Variants in SPEG observed in about 807,000 individuals in gnomAD.
SPEG encodes striated muscle preferentially expressed protein kinase.
A neutral mutation model predicts 300.4 loss-of-function variants in SPEG; 114 were observed. The ratio of observed to expected loss-of-function variants is 0.38; its 90% CI spans 0.33 to 0.44. The LOEUF (loss-of-function observed/expected upper bound fraction) is 0.44, where lower values mean the gene tolerates loss of function less well. Ranked by LOEUF, SPEG falls within the 20% of genes least tolerant of loss-of-function variation. SPEG has a pLI of 1.00. For missense variants in SPEG, 4,201 were observed against 4,586.2 expected, an observed-to-expected ratio of 0.92 and a Z score of 2.43; for synonymous variants, 1,964 against 2,018.9, an observed-to-expected ratio of 0.97 and a Z score of 0.73.
chr2:219,479,066 G>A lies in SPEG; in HGVS notation c.5028-78G>A. On this transcript the variant is annotated intron_variant, in intron 22 of 40. Coordinates refer to ENST00000312358, the MANE Select transcript of SPEG (RefSeq NM_005876.5). This position sits in a 1 kb window ranked among gnomAD's most constrained non-coding sequence, Gnocchi z 5.5. ...GTAAGGGGAAGGAGAACCCCGTGCT[G>A]AGCTGGGACCTGCCCTGAGCGCTGG... The A allele has an allele frequency of 7.5e-7, 1 of 1,329,078 alleles. No individual in the cohort carries two copies. Among genetic ancestry groups the A allele is most frequent in the Non-Finnish European group, 1.1e-6 (1 of 929,432 alleles). 82.3% of individuals were successfully genotyped at this position (1,329,078 alleles called of 1,614,324 possible).
chr2:219,480,572 G>A lies in SPEG; in HGVS notation c.5343-99G>A. The stretch of plus-strand genomic sequence containing the variant: ...CCCATTGTCCATGGCAGTGTTCCCA[G>A]GGAGGTAACAGCTCACTCAGGTCAG... On this transcript the variant is annotated intron_variant, in intron 25 of 40. Coordinates refer to ENST00000312358, the MANE Select transcript of SPEG (RefSeq NM_005876.5). This position sits in a 1 kb window ranked among gnomAD's most constrained non-coding sequence, Gnocchi z 5.3. 1 of 1,242,292 alleles carries A rather than the reference G, an allele frequency of 8.0e-7. No individual in the cohort carries two copies. The highest frequency in any genetic ancestry group is 1.2e-6 in the Non-Finnish European group (1 of 843,550). The allele number at this position is 1,242,292 out of a possible 1,614,324, so 77.0% of individuals were successfully genotyped here.
Position 219,468,638 on chromosome 2 carries a change from G to A in SPEG, c.3203G>A (p.Arg1068Gln). Residue 1068 changes from arginine to glutamine, a missense_variant, in exon 11 of 41, where the codon CGG becomes CAG. By Grantham distance (43) the Arg-to-Gln change is conservative. Coordinates refer to ENST00000312358, the MANE Select transcript of SPEG (RefSeq NM_005876.5). ...VRPSLAPLFTRLLEDVEVLEG... is the reference protein window; with the variant it reads ...VRPSLAPLFTQLLEDVEVLEG... Reference sequence around the variant, plus strand: ...CCCTCGTTGGCACCCCTGTTCACACGGCTGCTGGAAGATGTGGAGGTGTTG... The same window carrying A: ...CCCTCGTTGGCACCCCTGTTCACACAGCTGCTGGAAGATGTGGAGGTGTTG... 1.2e-6 allele frequency: 2 copies of A among 1,614,006 alleles called. No individual in the cohort carries two copies. The highest frequency in any genetic ancestry group is 1.7e-6 in the Non-Finnish European group (2 of 1,180,008).
chr2:219,448,376 C>T lies in SPEG; in HGVS notation c.1218C>T (p.Phe406=), dbSNP rs756153637. ...CCCGCATCCTGGACAAGCTGCAGTT[C>T]TTCGAGGAGCGACGGCGCAGCCTGG... ...AGSRILDKLQ[F]FEERRRSLER... The change falls in exon 4 of 41, where the codon TTC becomes TTT. Residue 406 remains phenylalanine (F), a synonymous_variant. Transcript: ENST00000312358. 1.3e-6 allele frequency: 2 copies of T among 1,564,010 alleles called. No individual in the cohort carries two copies. The highest frequency in any genetic ancestry group is 1.7e-6 in the Non-Finnish European group (2 of 1,157,486).
chr2:219,483,451 C>A lies in SPEG; in HGVS notation c.5988C>A (p.Gly1996=). The A allele has an allele frequency of 2.0e-6, 3 of 1,519,032 alleles. No individual in the cohort carries two copies. The highest frequency in any genetic ancestry group is 1.4e-5 in the African/African-American group (1 of 72,216). The allele number at this position is 1,519,032 out of a possible 1,614,324, so 94.1% of individuals were successfully genotyped here. A position where few individuals can be genotyped will look rare whatever the true frequency, so the allele number is the denominator to read the frequency against. The change falls in exon 30 of 41, where the codon GGC becomes GGA. Residue 1996 remains glycine, a synonymous_variant. Transcript: ENST00000312358. ...GCCCAGAGGCCCTCCCCTCCCCAGG[C>A]CAGGAGCCCGCAGCTGGGGCTAGCC... is the stretch of plus-strand genomic sequence containing the variant. ...APSPEALPSP[G]QEPAAGASPR... is the part of the protein sequence containing the mutation.
At chr2:219,485,210 A>AG (rs1428215243) in intron 30 of SPEG, 136 bp from the exon 31 acceptor site, 46 of 1,470,516 alleles carry the variant, frequency 3.1e-5, no homozygotes, top group Non-Finnish European at 4.1e-5. Context: ...GCAGGGCTGG[A>AG]GGGGAGGAAA....
chr2:219,469,524 G>A (rs1691684939), intron 13 of SPEG, 145 bp downstream of exon 13: 1 of 674,124 alleles, frequency 1.5e-6, no homozygotes. Context: ...AACCCGGAGG[G>A]ACTGTGAGGT....
At chr2:219,485,253 G>C in intron 30 of SPEG, 93 bp from the exon 31 acceptor site, 1 of 1,522,164 alleles carries the variant, frequency 6.6e-7, no homozygotes, top group Non-Finnish European at 8.9e-7. Flanking sequence ...GTGGGCTAGG[G>C]GTTCCTTCTG....
In SPEG at chr2:219,492,278, C is replaced by A. The variant is rs767731123; in HGVS notation, c.9611+18C>A. The A allele has an allele frequency of 2.5e-6, 4 of 1,605,444 alleles. No individual in the cohort carries two copies. Among genetic ancestry groups the A allele is most frequent in the Non-Finnish European group, 3.4e-6 (4 of 1,173,930 alleles). On this transcript the variant is annotated intron_variant, in intron 40 of 40. Transcript: ENST00000312358. ...CATCCCTGGTGAGTGAGCCCCACAC[C>A]TGCTATCCCCCAGTGTTACCTGCCC...
intron 18 of SPEG, 127 bp from the exon 19 acceptor site, chr2:219,476,742 AG>A: frequency 1.9e-6 from 1 of 512,984 alleles, no homozygotes; most frequent in East Asian, 3.4e-5. Flanking sequence ...GGTGGCTTGC[AG>A]GGAGGCGGGG....
In SPEG at chr2:219,485,327, C is replaced by G; in HGVS notation, c.7610-19C>G. On this transcript the variant is annotated intron_variant, in intron 30 of 40. Transcript: ENST00000312358. ...CTGGTACTGACTGAACAAATACTCA[C>G]GGGCCTGAGTCTTCACAGCCCCAGG... is the stretch of plus-strand genomic sequence containing the variant. The G allele has an allele frequency of 6.3e-7, 1 of 1,597,858 alleles. No individual in the cohort carries two copies.
Position 219,434,928 on chromosome 2 carries a change from C to T in SPEG, c.-50C>T, listed in dbSNP as rs1954672961. ...TCCTAGGGCACCGTCCCGCGGGTGC[C>T]CCCGTGGCCGCCCAGTTCCGGCGTC... On this transcript the variant is annotated 5_prime_UTR_variant, in exon 1 of 41. Coordinates refer to ENST00000312358, the MANE Select transcript of SPEG (RefSeq NM_005876.5). 3.5e-6 allele frequency: 5 copies of T among 1,417,906 alleles called. No homozygotes were observed. In the South Asian group the frequency reaches 4.2e-5, roughly 12 times the overall value. The allele number at this position is 1,417,906 out of a possible 1,614,324, so 87.8% of individuals were successfully genotyped here. A position where few individuals can be genotyped will look rare whatever the true frequency, so the allele number is the denominator to read the frequency against.
Position 219,465,727 on chromosome 2 carries a change from G to C in SPEG, c.2881+1119G>C. 3 of 445,226 alleles carry C rather than the reference G, an allele frequency of 6.7e-6. No homozygotes were observed. The South Asian group carries it at 7.5e-5, about 11-fold the overall frequency. 27.6% of individuals were successfully genotyped at this position (445,226 alleles called of 1,614,324 possible). ...AGAGCTGTCCTTGGGGGAGCCAAGA[G>C]TGGCAGTGCTGCCCTGACGGTGTGA... On this transcript the variant is annotated intron_variant, in intron 9 of 40. Coordinates refer to ENST00000312358, the MANE Select transcript of SPEG (RefSeq NM_005876.5).
intron 9 of SPEG, chr2:219,466,524 A>G: frequency 1.8e-6 from 2 of 1,083,072 alleles, no homozygotes; most frequent in Non-Finnish European, 2.2e-6. Context: ...GGGCCCAAGG[A>G]GCAGGGGCTG....
rs148472813 is a variant in SPEG at position 219,439,758 on chromosome 2, G to A, written c.388+4393G>A. Among the ~76,000 whole-genome samples the A allele has an allele frequency of 1.3e-3, 197 of 152,264 alleles. 2 individuals carry two copies. In the South Asian group the frequency reaches 0.013, roughly 10 times the overall value. ...ACAGAATCCTGCCGGCCCCTCCTGG[G>A]CCCAGCTGTCCCGTCACTCACGCCC... is the stretch of plus-strand genomic sequence containing the variant. On this transcript the variant is annotated intron_variant, in intron 1 of 40. Coordinates refer to ENST00000312358, the MANE Select transcript of SPEG (RefSeq NM_005876.5). The surrounding 1 kb of genome is among the most constrained non-coding windows in gnomAD (Gnocchi z 4.5).
rs192857645 is a variant in SPEG, at chr2:219,445,342, C to T, written c.815+181C>T. Among the ~76,000 whole-genome samples, 12 of 152,248 alleles carry T rather than the reference C, an allele frequency of 7.9e-5. No homozygotes were observed. The highest frequency in any genetic ancestry group is 2.1e-4 in the South Asian group (1 of 4,822). On this transcript the variant is annotated intron_variant, in intron 3 of 40. Coordinates refer to ENST00000312358, the MANE Select transcript of SPEG (RefSeq NM_005876.5). This position sits in a 1 kb window ranked among gnomAD's most constrained non-coding sequence, Gnocchi z 6.1. Reference sequence around the variant, plus strand: ...CTCCCTCCTCCTCCTGAGCCATCACCGCCCACATCCCCCTGCTCCCACCTG... The same window carrying T: ...CTCCCTCCTCCTCCTGAGCCATCACTGCCCACATCCCCCTGCTCCCACCTG...
In SPEG at chr2:219,480,709, T is replaced by TC; in HGVS notation, c.5369+13dup. The TC allele has an allele frequency of 6.2e-7, 1 of 1,613,530 alleles. No individual in the cohort carries two copies. Among genetic ancestry groups the TC allele is most frequent in the Non-Finnish European group, 8.5e-7 (1 of 1,179,540 alleles). On this transcript the variant is annotated intron_variant, in intron 26 of 40. Transcript: ENST00000312358. The surrounding 1 kb of genome is among the most constrained non-coding windows in gnomAD (Gnocchi z 5.3). ...GTTGCCTTCCTCTGGTAAGGACCCC[T>TC]CTGCAATGTCCCAGCAGTCTCCTGG...
Position 219,477,972 on chromosome 2 carries a change from A to C in SPEG, c.4894A>C (p.Ile1632Leu). ...CGGCCTGGAGTTTGCGGCCAAGTTC[A>C]TCCCCAGCCAGGCCAAGCCAAAGGC... is the stretch of plus-strand genomic sequence containing the variant. ...SSGLEFAAKF[I>L]PSQAKPKASA... The change falls in exon 22 of 41, where the codon ATC (isoleucine) becomes CTC (leucine). Residue 1632 changes from isoleucine (I) to leucine (L), a missense_variant. Physicochemically the swap from Ile to Leu is conservative, Grantham distance 5. Around this residue, in one of 4 missense-constraint regions of SPEG, gnomAD observed 1,047 missense variants for 1,356.8 expected, o/e 0.77. Coordinates refer to ENST00000312358, the MANE Select transcript of SPEG (RefSeq NM_005876.5). The surrounding 1 kb of genome is among the most constrained non-coding windows in gnomAD (Gnocchi z 6.4). 6.2e-7 allele frequency: 1 copy of C among 1,614,146 alleles called. No individual in the cohort carries two copies. The highest frequency in any genetic ancestry group is 8.5e-7 in the Non-Finnish European group (1 of 1,180,040).
chr2:219,473,466 T>A lies in SPEG; in HGVS notation c.4148-38T>A, dbSNP rs781500999. 2 of 1,605,838 alleles carry A rather than the reference T, an allele frequency of 1.2e-6. No homozygotes were observed. Among genetic ancestry groups the A allele is most frequent in the Admixed American group, 3.3e-5 (2 of 59,850 alleles). Reference sequence around the variant, plus strand: ...AGTGGTGGGTGCTGAGGACCTGATGTCAAGCCCAGCACAGAGCCTGCGCTC... The same window carrying A: ...AGTGGTGGGTGCTGAGGACCTGATGACAAGCCCAGCACAGAGCCTGCGCTC... On this transcript the variant is annotated intron_variant, in intron 16 of 40. Transcript: ENST00000312358. This position sits in a 1 kb window ranked among gnomAD's most constrained non-coding sequence, Gnocchi z 4.6.
At position 219,467,791 on chromosome 2, in the gene SPEG, C is replaced by T. The variant is rs541959340; in HGVS notation, c.3142+357C>T. Among the ~76,000 whole-genome samples, 51 of 152,350 alleles carry T rather than the reference C, an allele frequency of 3.3e-4. No homozygotes were observed. In the South Asian group the frequency reaches 6.0e-3, roughly 18 times the overall value. On this transcript the variant is annotated intron_variant, in intron 10 of 40. Coordinates refer to ENST00000312358, the MANE Select transcript of SPEG (RefSeq NM_005876.5). ...TAGAACAGGGATGGTGATCATTCCT[C>T]CTCTGTAGAGGGATTGGCAGGATTA...
Sources: allele counts gnomAD v4.1 joint callset (sites outside exome capture counted in the v4.1 genomes callset), GRCh38; gene constraint gnomAD v4.1.1; regional missense constraint gnomAD v4.1.1; non-coding constraint Gnocchi (gnomAD v3.1); transcripts MANE v1.5; gene names NCBI Gene and HGNC (gene_info 2026-07-23, HGNC 2026-07-21).